QRSL1: variants seen among roughly 807,000 people sequenced by gnomAD.
QRSL1 encodes glutamyl-tRNA(Gln) amidotransferase subunit A, mitochondrial.
In QRSL1, 54 loss-of-function variants were observed where a neutral mutation model predicts 61.6. The observed-to-expected ratio is 0.88, with a 90% CI of 0.70 to 1.10. The LOEUF (loss-of-function observed/expected upper bound fraction) is 1.10, where lower values mean the gene tolerates loss of function less well. Ranked by LOEUF, QRSL1 falls within the 50% of genes least tolerant of loss-of-function variation. The pLI, the probability that QRSL1 is intolerant of heterozygous loss-of-function variation, is 0.00. For synonymous variants in QRSL1, 228 were observed against 225.7 expected (o/e 1.01, Z -0.09); for missense variants, 505 against 622.6 (o/e 0.81, Z 2.01).
chr6:106,635,661 T>C (rs1776908505), intron 1 of QRSL1, among the ~76,000 whole-genome samples: 1 of 151,834 alleles, frequency 6.6e-6, no homozygotes, highest in Admixed American at 6.6e-5. Context: ...GATCACGAGG[T>C]CAGGAGTTCA....
chr6:106,640,971 T>G (rs1777010228), intron 3 of QRSL1, 50 bp downstream of exon 3: 2 of 1,387,146 alleles, frequency 1.4e-6, no homozygotes, highest in Non-Finnish European at 1.0e-6. Context: ...AATAGGTATT[T>G]TTCGCTTTAA....
chr6:106,650,897 A>G (rs2114710392), intron 5 of QRSL1, among the ~76,000 whole-genome samples: 1 of 152,340 alleles, frequency 6.6e-6, no homozygotes, highest in Non-Finnish European at 1.5e-5. Flanking sequence ...GTAGATATGT[A>G]CTGTTCTACA....
chr6:106,642,467 A>C lies in QRSL1; in HGVS notation c.284-527A>C. 4 of 658,484 alleles carry C rather than the reference A, an allele frequency of 6.1e-6. No individual in the cohort carries two copies. The Admixed American group carries it at 7.6e-5, about 13-fold the overall frequency. 40.8% of individuals were successfully genotyped at this position (658,484 alleles called of 1,614,324 possible). On this transcript the variant is annotated intron_variant, in intron 3 of 10. Coordinates refer to ENST00000369046, the MANE Select transcript of QRSL1 (RefSeq NM_018292.5). ...ATCCAGTAATTCACCAAAATGATGA[A>C]CACAAAGGGAAAGAGGAGAGGCACC...
intron 9 of QRSL1, among the ~76,000 whole-genome samples, chr6:106,662,488 T>A (rs1169997904): frequency 1.7e-5 from 2 of 121,090 alleles, no homozygotes; most frequent in Non-Finnish European, 3.7e-5. Flanking sequence ...ATCCAGTGGT[T>A]CTTTTTTTTT....
chr6:106,656,511 A>G (rs1170809530), intron 9 of QRSL1, among the ~76,000 whole-genome samples: 1 of 152,242 alleles, frequency 6.6e-6, no homozygotes, highest in Non-Finnish European at 1.5e-5. Context: ...CATCTTCTAT[A>G]CCACCAAGTG....
intron 1 of QRSL1, among the ~76,000 whole-genome samples, chr6:106,637,661 G>C (rs1008587673): frequency 1.5e-4 from 23 of 152,182 alleles, no homozygotes; most frequent in African/African-American, 5.3e-4. Flanking sequence ...GAGAAGCAGC[G>C]GCTGCCAGGG....
Position 106,667,581 on chromosome 6 carries a change from A to T in QRSL1, c.*1579A>T, listed in dbSNP as rs539395401. 1 of 151,778 alleles carries T rather than the reference A, an allele frequency of 6.6e-6. No homozygotes were observed. The highest frequency in any genetic ancestry group is 2.1e-4 in the South Asian group (1 of 4,832). 9.4% of individuals were successfully genotyped at this position (151,778 alleles called of 1,614,324 possible). A position where few individuals can be genotyped will look rare whatever the true frequency, so the allele number is the denominator to read the frequency against. On this transcript the variant is annotated 3_prime_UTR_variant, in exon 11 of 11. Coordinates refer to ENST00000369046, the MANE Select transcript of QRSL1 (RefSeq NM_018292.5). ...AATATGACGTTCATGAAGAGAAAAT[A>T]ATGAGTCAGAATCATCTGCAGAACC...
intron 9 of QRSL1, among the ~76,000 whole-genome samples, chr6:106,660,044 CA>C (rs1278753035): frequency 6.6e-6 from 1 of 152,178 alleles, no homozygotes; most frequent in Non-Finnish European, 1.5e-5. Context: ...CCCTGCTTTG[CA>C]AATTCTAGCT....
intron 1 of QRSL1, among the ~76,000 whole-genome samples, chr6:106,630,352 T>G (rs968556116): frequency 6.6e-6 from 1 of 152,038 alleles, no homozygotes; most frequent in African/African-American, 2.4e-5. Context: ...TTAAAAAAGC[T>G]CTGGTATTTC....
At chr6:106,648,167 G>C (rs1369627821) in intron 4 of QRSL1, among the ~76,000 whole-genome samples, 1 of 151,718 alleles carries the variant, frequency 6.6e-6, no homozygotes, top group African/African-American at 2.4e-5. Context: ...GTGATGGCAC[G>C]CACCTGTAGT....
Position 106,654,738 on chromosome 6 carries a change from T to C in QRSL1, c.858T>C (p.Leu286=), listed in dbSNP as rs141466619. ...TGACTTTTTGCTATAAGGAATATCTTGTACCGGAATTATCAAGTGAAGTAC... is the reference window on the plus strand; with the variant it reads ...TGACTTTTTGCTATAAGGAATATCTCGTACCGGAATTATCAAGTGAAGTAC... ...KLCIGIPKEY[L]VPELSSEVQS... The change falls in exon 8 of 11, where the codon CTT becomes CTC. Residue 286 remains leucine, a synonymous_variant. Transcript: ENST00000369046. 4 of 1,608,530 alleles carry C rather than the reference T, an allele frequency of 2.5e-6. No individual in the cohort carries two copies. In the African/African-American group the frequency reaches 5.4e-5, roughly 22 times the overall value.
intron 4 of QRSL1, among the ~76,000 whole-genome samples, chr6:106,644,859 C>G (rs1777083968): frequency 6.6e-6 from 1 of 152,096 alleles, no homozygotes; most frequent in African/African-American, 2.4e-5. Flanking sequence ...GAATTTTTTC[C>G]TAGAAGTTTT....
In QRSL1 at chr6:106,665,978, A is replaced by G; in HGVS notation, c.1563A>G (p.Leu521=). ...DCSAVLENEK[L]ASVSLKQ is the part of the protein sequence containing the mutation. Reference sequence around the variant, plus strand: ...CAGCAGTCCTTGAAAATGAAAAGTTAGCCTCTGTCTCTCTAAAACAGTAAA... The same window carrying G: ...CAGCAGTCCTTGAAAATGAAAAGTTGGCCTCTGTCTCTCTAAAACAGTAAA... The change falls in exon 11 of 11, where the codon TTA becomes TTG. Residue 521 remains leucine, a synonymous_variant. Transcript: ENST00000369046. 1 of 1,613,976 alleles carries G rather than the reference A, an allele frequency of 6.2e-7. No individual in the cohort carries two copies. The highest frequency in any genetic ancestry group is 8.5e-7 in the Non-Finnish European group (1 of 1,179,826).
chr6:106,636,899 G>A (rs1776931762), intron 1 of QRSL1, among the ~76,000 whole-genome samples: 2 of 152,148 alleles, frequency 1.3e-5, no homozygotes, highest in African/African-American at 4.8e-5. Context: ...AGGTATATTA[G>A]TTGTCTATGG....
chr6:106,632,609 A>T (rs1464537051), intron 1 of QRSL1, among the ~76,000 whole-genome samples: 1 of 152,164 alleles, frequency 6.6e-6, no homozygotes, highest in East Asian at 1.9e-4. Context: ...CTCCATCCTC[A>T]CCAGCATTCA....
chr6:106,629,824 C>G (rs923077106), intron 1 of QRSL1, 119 bp downstream of exon 1: 1 of 1,234,104 alleles, frequency 8.1e-7, no homozygotes, highest in Non-Finnish European at 1.2e-6. Flanking sequence ...TCCTCTAGAA[C>G]TGAGTGGGGG....
intron 10 of QRSL1, among the ~76,000 whole-genome samples, chr6:106,664,915 T>C (rs1777408662): frequency 6.6e-6 from 1 of 152,208 alleles, no homozygotes. Flanking sequence ...TTGATCATCC[T>C]TGAAATATTA....
At chr6:106,640,197 A>T in intron 1 of QRSL1, 152 bp from the exon 2 acceptor site, 3 of 638,800 alleles carry the variant, frequency 4.7e-6, no homozygotes, top group Non-Finnish European at 8.2e-6. Flanking sequence ...CCACTACACT[A>T]AGTGTAGAGG....
chr6:106,634,114 AG>A (rs1240705110), intron 1 of QRSL1, among the ~76,000 whole-genome samples: 12 of 152,324 alleles, frequency 7.9e-5, no homozygotes, highest in African/African-American at 2.9e-4. Flanking sequence ...AGAGACCAGA[AG>A]GGCATGAAGG....
Sources: gnomAD v4.1 joint callset for allele counts (sites outside exome capture counted in the v4.1 genomes callset) on GRCh38, gnomAD v4.1.1 for gene constraint, MANE v1.5 for transcripts, NCBI Gene and HGNC (gene_info 2026-07-23, HGNC 2026-07-21) for gene names.